The following UGT1A8 variants were observed in gnomAD, a reference collection of about 807,000 sequenced individuals.
UGT1A8 encodes UDP glucuronosyltransferase family 1 member A8.
A neutral mutation model predicts 45.3 loss-of-function variants in UGT1A8; 39 were observed. That is an observed-to-expected ratio of 0.86 (90% CI 0.67 to 1.12). The LOEUF (loss-of-function observed/expected upper bound fraction) is 1.12. Among genes scored for constraint, UGT1A8 ranks in the 50% most tolerant of loss-of-function variants. UGT1A8 has a pLI of 0.00. For synonymous variants in UGT1A8, 275 were observed against 249.2 expected, an observed-to-expected ratio of 1.10 and a Z score of -0.97; for missense variants, 719 against 664.9, an observed-to-expected ratio of 1.08 and a Z score of -0.90.
At chr2:233,683,989 G>T (rs4433994) in intron 1 of UGT1A8, among the ~76,000 whole-genome samples, 103,718 of 152,064 alleles carry the variant, frequency 0.68, 36,584 homozygotes, top group African/African-American at 0.86. Flanking sequence ...TGAAAAAGTC[G>T]TGACAAATAC....
At chr2:233,724,375 C>T (rs1318597710) in intron 1 of UGT1A8, among the ~76,000 whole-genome samples, 19 of 143,100 alleles carry the variant, frequency 1.3e-4, no homozygotes, top group South Asian at 7.3e-4. Context: ...GGGTGGCTGC[C>T]GGGCGGAGAC....
At chr2:233,647,816 T>C in intron 1 of UGT1A8, 2 of 859,136 alleles carry the variant, frequency 2.3e-6, no homozygotes, top group Non-Finnish European at 3.4e-6. Flanking sequence ...AGTTAATTGA[T>C]TTGCCCCAAA....
intron 1 of UGT1A8, among the ~76,000 whole-genome samples, chr2:233,765,676 A>T (rs544202607): frequency 2.0e-5 from 3 of 151,708 alleles, no homozygotes; most frequent in Non-Finnish European, 4.4e-5. Flanking sequence ...TGGCATATGT[A>T]TCCCAGAACT....
chr2:233,765,616 G>A (rs1387784053), intron 1 of UGT1A8, among the ~76,000 whole-genome samples: 1 of 151,774 alleles, frequency 6.6e-6, no homozygotes, highest in Non-Finnish European at 1.5e-5. Flanking sequence ...CGGGGTGAGG[G>A]GTGAGGGGAG....
chr2:233,710,692 G>A (rs976331221), intron 1 of UGT1A8, among the ~76,000 whole-genome samples: 1 of 152,100 alleles, frequency 6.6e-6, no homozygotes, highest in Non-Finnish European at 1.5e-5. Flanking sequence ...TTTACTTCTG[G>A]TGTGTGGTGT....
chr2:233,680,858 T>C (rs10199293), intron 1 of UGT1A8, among the ~76,000 whole-genome samples: 97,722 of 151,792 alleles, frequency 0.64, 31,915 homozygotes, highest in African/African-American at 0.72. Context: ...GACAGCTCAT[T>C]AGAGTGCTTG....
intron 1 of UGT1A8, among the ~76,000 whole-genome samples, chr2:233,619,436 C>T (rs1013518762): frequency 6.6e-6 from 1 of 151,954 alleles, no homozygotes; most frequent in Non-Finnish European, 1.5e-5. Flanking sequence ...TTTCTATATT[C>T]TTGCTTTTAT....
chr2:233,760,179 T>C (rs2125979771), intron 1 of UGT1A8: 1 of 1,547,106 alleles, frequency 6.5e-7, no homozygotes, highest in South Asian at 1.2e-5. Flanking sequence ...TGACAGCTTT[T>C]TATAGTCACG....
chr2:233,651,397 T>C (rs566415538), intron 1 of UGT1A8, among the ~76,000 whole-genome samples: 1 of 152,328 alleles, frequency 6.6e-6, no homozygotes, highest in South Asian at 2.1e-4. Flanking sequence ...CATATATCAT[T>C]TTATATATTT....
At chr2:233,709,750 T>G (rs1304861881) in intron 1 of UGT1A8, among the ~76,000 whole-genome samples, 1 of 152,206 alleles carries the variant, frequency 6.6e-6, no homozygotes, top group African/African-American at 2.4e-5. Context: ...AAAATAAACA[T>G]TATTGGAGTA....
chr2:233,729,639 T>A (rs765411725), intron 1 of UGT1A8: 2 of 1,613,956 alleles, frequency 1.2e-6, no homozygotes, highest in South Asian at 2.2e-5. Flanking sequence ...CTACTGTGTT[T>A]TTTTTGAGGA....
intron 1 of UGT1A8, among the ~76,000 whole-genome samples, chr2:233,725,586 A>T (rs1194596370): frequency 6.6e-6 from 1 of 152,166 alleles, no homozygotes; most frequent in Non-Finnish European, 1.5e-5. Flanking sequence ...TTATGACTTA[A>T]CTATTTGACA....
In UGT1A8 at chr2:233,637,119, T is replaced by C. The variant is rs45523834; in HGVS notation, c.855+18557T>C. On this transcript the variant is annotated intron_variant, in intron 1 of 4. Coordinates refer to ENST00000373450, the MANE Select transcript of UGT1A8 (RefSeq NM_019076.5). ...CCAATGATCTCTTAGGGTTCTCAGATGCCATGACTTTCAAGGAGAGAGTAT... is the reference window on the plus strand; with the variant it reads ...CCAATGATCTCTTAGGGTTCTCAGACGCCATGACTTTCAAGGAGAGAGTAT... 3,399 of 1,613,958 alleles carry C rather than the reference T, an allele frequency of 2.1e-3. 80 individuals carry two copies. The African/African-American group carries it at 0.041, about 19-fold the overall frequency.
rs200412341 is a variant in UGT1A8 at position 233,760,665 on chromosome 2, C to T, written c.856-6369C>T. The T allele has an allele frequency of 2.6e-5, 42 of 1,614,226 alleles. No individual in the cohort carries two copies. The East Asian group carries it at 8.9e-4, about 34-fold the overall frequency. On this transcript the variant is annotated intron_variant, in intron 1 of 4. Transcript: ENST00000373450. ...AGGACTCTGCTATGCTTTTGTCTGG[C>T]TGTTCCCACTTACTGCACAACAAGG...
intron 1 of UGT1A8, chr2:233,693,716 A>G (rs758904923): frequency 1.2e-6 from 2 of 1,614,204 alleles, no homozygotes; most frequent in Non-Finnish European, 8.5e-7. Context: ...AGCTGTCCTC[A>G]AGAGAGATGT....
intron 1 of UGT1A8, among the ~76,000 whole-genome samples, chr2:233,640,049 G>A (rs1221816056): frequency 2.0e-5 from 3 of 152,200 alleles, no homozygotes; most frequent in Non-Finnish European, 4.4e-5. Context: ...CTGGGGATAG[G>A]ATGTGGTTAC....
At chr2:233,672,592 T>C (rs769480316) in intron 1 of UGT1A8, 1 of 1,613,960 alleles carries the variant, frequency 6.2e-7, no homozygotes, top group Non-Finnish European at 8.5e-7. Flanking sequence ...ACATTTATTA[T>C]GCCACCGTTT....
chr2:233,681,764 A>C, intron 1 of UGT1A8: 1 of 907,294 alleles, frequency 1.1e-6, no homozygotes, highest in Non-Finnish European at 1.3e-6. Flanking sequence ...ATCTCAGCAA[A>C]GGCTACTCAT....
chr2:233,637,038 A>G (rs1231814079), intron 1 of UGT1A8: 1 of 1,613,852 alleles, frequency 6.2e-7, no homozygotes, highest in Admixed American at 1.7e-5. Flanking sequence ...CCAGGGGAAT[A>G]TTTTGCCACC....
Sources: gnomAD v4.1 joint callset for allele counts (sites outside exome capture counted in the v4.1 genomes callset) on GRCh38, gnomAD v4.1.1 for gene constraint, MANE v1.5 for transcripts, NCBI Gene and HGNC (gene_info 2026-07-23, HGNC 2026-07-21) for gene names.